The following PRH1 variants were observed in gnomAD, a reference collection of about 807,000 sequenced individuals.
PRH1 encodes the protein proline rich protein HaeIII subfamily 1.
Under a neutral mutation model 7.9 loss-of-function variants are expected in PRH1, and 7 were observed. The observed-to-expected ratio is 0.89, with a 90% CI of 0.50 to 1.67. The LOEUF is 1.67. Among genes scored for constraint, PRH1 ranks in the 40% most tolerant of loss-of-function variants. The probability of loss-of-function intolerance (pLI) is 0.00; values close to 1 mark genes in which losing one functional copy is unlikely to be tolerated. For missense variants in PRH1, 109 were observed against 223.6 expected (o/e 0.49, Z 3.27); for synonymous variants, 45 against 80.8 (o/e 0.56, Z 2.38).
At chr12:11,126,539 C>T (rs2600366) in intron 1 of PRH1, among the ~76,000 whole-genome samples, 1 of 148,112 alleles carries the variant, frequency 6.8e-6, no homozygotes, top group East Asian at 2.0e-4. Flanking sequence ...GGACATTTGA[C>T]AGACTTGTCA....
intron 1 of PRH1, among the ~76,000 whole-genome samples, chr12:11,033,402 A>G (rs1244052430): frequency 6.8e-6 from 1 of 146,722 alleles, no homozygotes; most frequent in Non-Finnish European, 1.5e-5. Flanking sequence ...AAAACAAAAC[A>G]AAAAACCAAC....
At chr12:11,122,772 TCTC>T (rs1354459255) in intron 1 of PRH1, among the ~76,000 whole-genome samples, 3 of 152,116 alleles carry the variant, frequency 2.0e-5, no homozygotes, top group South Asian at 2.1e-4. Flanking sequence ...ATGGAAAATT[TCTC>T]CTAATTAATA....
At chr12:11,020,336 T>C (rs1941538576) in intron 1 of PRH1, among the ~76,000 whole-genome samples, 3 of 143,092 alleles carry the variant, frequency 2.1e-5, no homozygotes, top group South Asian at 4.3e-4. Context: ...GGTGATTACA[T>C]TGTACTAGGG....
intron 1 of PRH1, among the ~76,000 whole-genome samples, chr12:11,052,660 C>T (rs897871865): frequency 1.3e-4 from 19 of 147,778 alleles, no homozygotes; most frequent in Admixed American, 1.2e-3. Flanking sequence ...GTGTGTTACC[C>T]TCTAGCCTTG....
At chr12:11,171,311 C>A in intron 1 of PRH1, 1 of 1,189,592 alleles carries the variant, frequency 8.4e-7, no homozygotes, top group Non-Finnish European at 1.1e-6. Flanking sequence ...GCGGGCCCTG[C>A]GGCAACCCTC....
chr12:11,032,065 T>C (rs1942248539), intron 1 of PRH1, among the ~76,000 whole-genome samples: 1 of 152,244 alleles, frequency 6.6e-6, no homozygotes, highest in African/African-American at 2.4e-5. Flanking sequence ...ACAACTCAAA[T>C]TAACTCATTC....
intron 1 of PRH1, among the ~76,000 whole-genome samples, chr12:11,081,968 A>T (rs1944513782): frequency 8.6e-6 from 1 of 116,742 alleles, no homozygotes; most frequent in South Asian, 2.3e-4. Flanking sequence ...GATTAGTTTA[A>T]TATAATTTAT....
intron 1 of PRH1, among the ~76,000 whole-genome samples, chr12:11,104,056 A>C (rs1945334605): frequency 6.6e-6 from 1 of 152,054 alleles, no homozygotes; most frequent in Non-Finnish European, 1.5e-5. Context: ...TCCCCCATCC[A>C]ACTTCATTGA....
intron 1 of PRH1, among the ~76,000 whole-genome samples, chr12:11,010,949 CAT>C (rs1398751471): frequency 2.6e-5 from 4 of 151,788 alleles, no homozygotes; most frequent in Admixed American, 2.6e-4. Flanking sequence ...TTATACTACA[CAT>C]ATTTCTTTAA....
At chr12:10,983,037 A>G (rs1939432507) in intron 1 of PRH1, among the ~76,000 whole-genome samples, 3 of 152,180 alleles carry the variant, frequency 2.0e-5, no homozygotes, top group Admixed American at 1.3e-4. Flanking sequence ...TCTATAGCAG[A>G]TATAGAGTCT....
intron 1 of PRH1, among the ~76,000 whole-genome samples, chr12:11,027,990 G>C (rs1283542515): frequency 1.3e-5 from 2 of 152,216 alleles, no homozygotes; most frequent in Non-Finnish European, 2.9e-5. Flanking sequence ...TGACTGGAGG[G>C]TATGAGCACG....
intron 2 of PRH1, among the ~76,000 whole-genome samples, chr12:10,966,986 G>T (rs893146984): frequency 3.3e-5 from 5 of 151,930 alleles, no homozygotes; most frequent in Non-Finnish European, 5.9e-5. Context: ...CTGGTGGCGG[G>T]CACCTGTAGT....
intron 2 of PRH1, among the ~76,000 whole-genome samples, chr12:10,944,743 A>T (rs900787206): frequency 6.6e-6 from 1 of 152,066 alleles, no homozygotes; most frequent in Non-Finnish European, 1.5e-5. Flanking sequence ...TCAATATCTA[A>T]TTTTTTGAAA....
chr12:10,905,166 C>T (rs1001705125), intron 2 of PRH1, among the ~76,000 whole-genome samples: 4 of 151,892 alleles, frequency 2.6e-5, no homozygotes, highest in East Asian at 1.9e-4. Flanking sequence ...CCTAGTCATC[C>T]CATTACTCAG....
In PRH1 at chr12:10,889,746, C is replaced by T. The variant is rs559846414; in HGVS notation, c.-58-5471G>A. 4.6e-5 allele frequency among the ~76,000 whole-genome samples: 7 copies of T among 152,168 alleles called. No homozygotes were observed. The South Asian group carries it at 1.5e-3, about 32-fold the overall frequency. ...TTTAGAGTATATAATTTCTATTGAT[C>T]CAACCTCAAGAACACTGTCTTTCCT... On this transcript the variant is annotated intron_variant, in intron 2 of 3. Transcript: ENST00000539853.
At chr12:10,949,294 G>A (rs1324182894) in intron 2 of PRH1, among the ~76,000 whole-genome samples, 1 of 152,128 alleles carries the variant, frequency 6.6e-6, no homozygotes, top group Non-Finnish European at 1.5e-5. Context: ...GTCTAACTGG[G>A]TTTCTCTCCT....
At chr12:11,155,048 T>C (rs1337805851) in intron 1 of PRH1, among the ~76,000 whole-genome samples, 2 of 152,236 alleles carry the variant, frequency 1.3e-5, no homozygotes, top group Non-Finnish European at 2.9e-5. Context: ...AGAAAAATCC[T>C]TCATACATGT....
chr12:11,112,240 A>C (rs1424864970), intron 1 of PRH1, among the ~76,000 whole-genome samples: 1 of 152,208 alleles, frequency 6.6e-6, no homozygotes, highest in Non-Finnish European at 1.5e-5. Context: ...AGGAGATGGT[A>C]CCATTCTTTC....
rs770894759 is a variant in PRH1 at position 10,973,696 on chromosome 12, G to A, written c.-100C>T. The A allele has an allele frequency of 6.4e-6, 5 of 780,092 alleles. No homozygotes were observed. In the Admixed American group the frequency reaches 6.8e-5, roughly 11 times the overall value. The allele number at this position is 780,092 out of a possible 1,614,324, so 48.3% of individuals were successfully genotyped here. A position where few individuals can be genotyped will look rare whatever the true frequency, so the allele number is the denominator to read the frequency against. On this transcript the variant is annotated 5_prime_UTR_variant, in exon 2 of 4. Transcript: ENST00000539853. ...TCTTGAGTAGATACAGCAGGTTCCA[G>A]CAGGCAAAATATTCTTCTGCAGCAG...
Sources: gnomAD v4.1 joint callset for allele counts (sites outside exome capture counted in the v4.1 genomes callset) on GRCh38, gnomAD v4.1.1 for gene constraint, MANE v1.5 for transcripts, NCBI Gene and HGNC (gene_info 2026-07-23, HGNC 2026-07-21) for gene names.